ACER3: variants seen among roughly 807,000 people sequenced by gnomAD.
ACER3 encodes alkCDase 3.
A neutral mutation model predicts 48.9 loss-of-function variants in ACER3; 16 were observed. That is an observed-to-expected ratio of 0.33 (90% CI 0.22 to 0.50). ACER3 has a LOEUF of 0.50. ACER3 is among the 20% of genes least tolerant of loss of function. The pLI, the probability that ACER3 is intolerant of heterozygous loss-of-function variation, is 0.98. For missense variants in ACER3, 227 were observed against 326.0 expected (o/e 0.70, Z 2.34); for synonymous variants, 109 against 107.8 (o/e 1.01, Z -0.07).
intron 3 of ACER3, among the ~76,000 whole-genome samples, chr11:76,967,115 A>G (rs1948159174): frequency 6.6e-6 from 1 of 152,198 alleles, no homozygotes; most frequent in East Asian, 1.9e-4. Flanking sequence ...ATCAAAAATG[A>G]TAAAGGGGAT....
chr11:76,960,859 T>TG (rs754819712), intron 3 of ACER3, among the ~76,000 whole-genome samples: 4 of 151,820 alleles, frequency 2.6e-5, no homozygotes, highest in Non-Finnish European at 2.9e-5. Context: ...CCTCCCAAGT[T>TG]GGGGGGGTCA....
At chr11:76,872,084 C>CT (rs1336427612) in intron 1 of ACER3, among the ~76,000 whole-genome samples, 1,358 of 123,342 alleles carry the variant, frequency 0.011, 12 homozygotes, top group Non-Finnish European at 0.016. Flanking sequence ...ATAGGCTGAA[C>CT]TTTTTTTTTT....
chr11:76,911,582 C>T (rs1946379527), intron 1 of ACER3, among the ~76,000 whole-genome samples: 1 of 152,090 alleles, frequency 6.6e-6, no homozygotes, highest in East Asian at 1.9e-4. Context: ...TCATTTTATC[C>T]AGCCAGTATT....
intron 1 of ACER3, among the ~76,000 whole-genome samples, chr11:76,915,349 C>A (rs1196204433): frequency 6.6e-6 from 1 of 152,136 alleles, no homozygotes; most frequent in East Asian, 1.9e-4. Context: ...GCTTTCCTTA[C>A]CCTTTGGAAT....
At chr11:76,949,051 A>G (rs1357458222) in intron 2 of ACER3, among the ~76,000 whole-genome samples, 2 of 149,998 alleles carry the variant, frequency 1.3e-5, no homozygotes, top group Non-Finnish European at 3.0e-5. Flanking sequence ...CACTATTTCC[A>G]GTGTGATCAG....
chr11:76,990,213 G>C (rs1948770743), intron 5 of ACER3, among the ~76,000 whole-genome samples: 1 of 152,108 alleles, frequency 6.6e-6, no homozygotes, highest in Non-Finnish European at 1.5e-5. Context: ...ATCTGCTTTG[G>C]GGATTGTCAA....
At chr11:76,897,261 A>G (rs1454371462) in intron 1 of ACER3, among the ~76,000 whole-genome samples, 1 of 152,142 alleles carries the variant, frequency 6.6e-6, no homozygotes, top group Non-Finnish European at 1.5e-5. Flanking sequence ...CTGGCCAGGG[A>G]GGAGAACTTT....
At chr11:76,879,372 GTAATC>G (rs1945467329) in intron 1 of ACER3, among the ~76,000 whole-genome samples, 1 of 152,094 alleles carries the variant, frequency 6.6e-6, no homozygotes, top group Admixed American at 6.6e-5. Flanking sequence ...ATTTAATCAT[GTAATC>G]TTCAAATAGA....
intron 2 of ACER3, among the ~76,000 whole-genome samples, chr11:76,946,702 C>A (rs555958678): frequency 1.3e-5 from 2 of 152,144 alleles, no homozygotes; most frequent in African/African-American, 2.4e-5. Context: ...CCCTCCCCTC[C>A]TTGGAGCAGC....
intron 6 of ACER3, among the ~76,000 whole-genome samples, chr11:76,997,272 G>C (rs1306079428): frequency 1.3e-5 from 2 of 152,116 alleles, no homozygotes; most frequent in East Asian, 3.9e-4. Context: ...ACTTTCTACT[G>C]TGTAAGTCTG....
intron 1 of ACER3, among the ~76,000 whole-genome samples, chr11:76,889,223 C>T (rs977368005): frequency 1.3e-5 from 2 of 152,062 alleles, no homozygotes; most frequent in African/African-American, 4.8e-5. Context: ...TATCTCTTAC[C>T]CTCTGAAGGG....
intron 2 of ACER3, among the ~76,000 whole-genome samples, chr11:76,947,072 C>G (rs151109387): frequency 6.6e-6 from 1 of 152,278 alleles, no homozygotes; most frequent in South Asian, 2.1e-4. Flanking sequence ...ACTTCTATGG[C>G]GAATCCTAGT....
chr11:76,934,835 AC>A (rs1403417233), intron 2 of ACER3, among the ~76,000 whole-genome samples: 8 of 151,994 alleles, frequency 5.3e-5, no homozygotes, highest in South Asian at 2.1e-4. Flanking sequence ...TATAAAATAG[AC>A]CCCCCAACAT....
At chr11:77,005,972 C>CATATATAT (rs61113921) in intron 7 of ACER3, among the ~76,000 whole-genome samples, 6 of 107,086 alleles carry the variant, frequency 5.6e-5, no homozygotes, top group African/African-American at 2.1e-4. Context: ...TATATATATA[C>CATATATAT]ATATATATAT....
At chr11:76,996,526 C>A (rs1005343558) in intron 6 of ACER3, among the ~76,000 whole-genome samples, 19 of 151,884 alleles carry the variant, frequency 1.3e-4, no homozygotes, top group African/African-American at 4.6e-4. Flanking sequence ...TCAAGCAATT[C>A]TCCTGCCTCA....
At chr11:76,922,524 A>T (rs79314290) in intron 1 of ACER3, among the ~76,000 whole-genome samples, 3,218 of 152,184 alleles carry the variant, frequency 0.021, 116 homozygotes, top group African/African-American at 0.074. Flanking sequence ...TTACATTTTC[A>T]TACTCTACCT....
intron 3 of ACER3, among the ~76,000 whole-genome samples, chr11:76,966,541 T>C (rs531258103): frequency 1.9e-4 from 29 of 151,134 alleles, no homozygotes; most frequent in African/African-American, 6.7e-4. Context: ...TATTCCAAAA[T>C]TGACCACATA....
At chr11:77,012,130 C>T (rs142584565) in intron 7 of ACER3, among the ~76,000 whole-genome samples, 385 of 152,012 alleles carry the variant, frequency 2.5e-3, no homozygotes, top group African/African-American at 8.9e-3. Context: ...CAAAAAAAGC[C>T]GTTAGAGAGC....
At position 76,861,210 on chromosome 11, in the gene ACER3, G is replaced by C. The variant is rs1590844256; in HGVS notation, c.103+131G>C. The C allele has an allele frequency of 7.3e-6, 6 of 824,620 alleles. No homozygotes were observed. In the East Asian group the frequency reaches 2.0e-4, roughly 27 times the overall value. The allele number at this position is 824,620 out of a possible 1,614,324, so 51.1% of individuals were successfully genotyped here. ...GCCTGGCCCCGGGAGCTGGAATGCG[G>C]CGCCCTGGGCCAGCGGGAGGCTGAG... On this transcript the variant is annotated intron_variant, in intron 1 of 10. Transcript: ENST00000532485.
Sources: gnomAD v4.1 joint callset for allele counts (sites outside exome capture counted in the v4.1 genomes callset) on GRCh38, gnomAD v4.1.1 for gene constraint, MANE v1.5 for transcripts, NCBI Gene and HGNC (gene_info 2026-07-23, HGNC 2026-07-21) for gene names.